NPAS3: variants seen among roughly 807,000 people sequenced by gnomAD.
NPAS3 encodes the protein neuronal PAS domain-containing protein 3.
A neutral mutation model predicts 73.1 loss-of-function variants in NPAS3; 14 were observed. The ratio of observed to expected loss-of-function variants is 0.19; its 90% CI spans 0.13 to 0.30. NPAS3 has a LOEUF of 0.30. Ranked by LOEUF, NPAS3 falls within the 10% of genes least tolerant of loss-of-function variation. The pLI, the probability that NPAS3 is intolerant of heterozygous loss-of-function variation, is 1.00. For missense variants in NPAS3, 1,096 were observed against 1,250.0 expected (o/e 0.88, Z 1.86); for synonymous variants, 620 against 541.5 (o/e 1.14, Z -2.01).
chr14:33,326,502 T>C (rs1184649800), intron 3 of NPAS3, among the ~76,000 whole-genome samples: 3 of 152,212 alleles, frequency 2.0e-5, no homozygotes. Context: ...CCAATAAAGC[T>C]TGTTTTCGTT....
chr14:33,278,550 T>C (rs2041444996), intron 3 of NPAS3, among the ~76,000 whole-genome samples: 1 of 150,214 alleles, frequency 6.7e-6, no homozygotes, highest in Admixed American at 6.6e-5. Flanking sequence ...AAAAAAAGAA[T>C]GATATGAAAG....
chr14:33,446,141 C>T (rs111474177), intron 4 of NPAS3, among the ~76,000 whole-genome samples: 46 of 147,436 alleles, frequency 3.1e-4, no homozygotes, highest in African/African-American at 1.1e-3. Flanking sequence ...TTTTTTCCAT[C>T]TTCTCTAGGG....
chr14:33,055,073 T>C (rs549610323), intron 1 of NPAS3, among the ~76,000 whole-genome samples: 13 of 152,316 alleles, frequency 8.5e-5, no homozygotes, highest in African/African-American at 2.9e-4. Context: ...TGTGTATTGA[T>C]TAAATGACAT....
intron 5 of NPAS3, among the ~76,000 whole-genome samples, chr14:33,569,648 C>T (rs2056118465): frequency 1.3e-5 from 2 of 152,128 alleles, no homozygotes; most frequent in South Asian, 2.1e-4. Context: ...TCACTAGGAA[C>T]GCGCTAAGGC....
chr14:33,769,146 C>T (rs990619811), intron 7 of NPAS3, among the ~76,000 whole-genome samples: 2 of 152,166 alleles, frequency 1.3e-5, no homozygotes, highest in Non-Finnish European at 2.9e-5. Flanking sequence ...GGTAAAAATG[C>T]CTTTGGCACT....
chr14:33,314,266 T>C (rs2043120536), intron 3 of NPAS3, among the ~76,000 whole-genome samples: 1 of 152,126 alleles, frequency 6.6e-6, no homozygotes, highest in South Asian at 2.1e-4. Context: ...TCTTCCAGAA[T>C]TTGTTAATTA....
intron 3 of NPAS3, among the ~76,000 whole-genome samples, chr14:33,364,094 C>A (rs1053786322): frequency 1.3e-5 from 2 of 152,120 alleles, no homozygotes; most frequent in Non-Finnish European, 2.9e-5. Context: ...TACAGTGTGT[C>A]TGGGCTACCA....
At chr14:33,107,626 A>G (rs1227565723) in intron 2 of NPAS3, among the ~76,000 whole-genome samples, 2 of 152,144 alleles carry the variant, frequency 1.3e-5, no homozygotes, top group African/African-American at 4.8e-5. Flanking sequence ...CATGGTGTGT[A>G]TGTACCACAT....
At chr14:33,335,597 G>T (rs1390433774) in intron 3 of NPAS3, among the ~76,000 whole-genome samples, 1 of 152,212 alleles carries the variant, frequency 6.6e-6, no homozygotes, top group Non-Finnish European at 1.5e-5. Context: ...CCCCTGGTCA[G>T]GGTTGGAAGT....
chr14:33,320,446 AT>A (rs1233665675), intron 3 of NPAS3, among the ~76,000 whole-genome samples: 1 of 152,154 alleles, frequency 6.6e-6, no homozygotes, highest in African/African-American at 2.4e-5. Flanking sequence ...AATAAAAAAA[AT>A]TTTTAAAAAA....
intron 5 of NPAS3, among the ~76,000 whole-genome samples, chr14:33,649,395 G>A (rs2058925356): frequency 6.6e-6 from 1 of 152,184 alleles, no homozygotes; most frequent in South Asian, 2.1e-4. Flanking sequence ...GGTTGCACAG[G>A]GCTGAAAGCC....
intron 4 of NPAS3, among the ~76,000 whole-genome samples, chr14:33,474,343 G>A (rs1308482863): frequency 6.6e-6 from 1 of 152,034 alleles, no homozygotes; most frequent in Non-Finnish European, 1.5e-5. Flanking sequence ...AATATATCTG[G>A]ATTATATTGA....
chr14:33,159,062 C>T lies in NPAS3; in HGVS notation c.141-56120C>T, dbSNP rs1156228510. On this transcript the variant is annotated intron_variant, in intron 2 of 11. Coordinates refer to ENST00000356141, the Ensembl canonical transcript of NPAS3. The stretch of plus-strand genomic sequence containing the variant: ...CCTGTAATCCCAACTACTCAGAGAC[C>T]GAGGCAGGGGAATTGCTTGGATCTG... Among the ~76,000 whole-genome samples the T allele has an allele frequency of 3.3e-5, 5 of 152,016 alleles. No individual in the cohort carries two copies. The East Asian group carries it at 5.8e-4, about 18-fold the overall frequency.
intron 3 of NPAS3, among the ~76,000 whole-genome samples, chr14:33,226,715 C>T (rs902323374): frequency 1.3e-4 from 20 of 152,112 alleles, no homozygotes; most frequent in African/African-American, 4.8e-4. Flanking sequence ...TGAATGCTAC[C>T]GTACTAAGTG....
At chr14:33,615,261 G>A (rs996822936) in intron 5 of NPAS3, among the ~76,000 whole-genome samples, 4 of 152,154 alleles carry the variant, frequency 2.6e-5, no homozygotes, top group African/African-American at 9.7e-5. Context: ...GGAAGTCACT[G>A]CATGTTTTTA....
At chr14:33,170,383 C>T (rs1266639697) in intron 2 of NPAS3, among the ~76,000 whole-genome samples, 1 of 152,188 alleles carries the variant, frequency 6.6e-6, no homozygotes, top group Non-Finnish European at 1.5e-5. Flanking sequence ...GGTAGAGGGT[C>T]TTGCCTTCAT....
intron 6 of NPAS3, among the ~76,000 whole-genome samples, chr14:33,696,880 C>T (rs976099949): frequency 3.9e-5 from 6 of 152,154 alleles, no homozygotes; most frequent in Admixed American, 1.3e-4. Flanking sequence ...GCTGAACATG[C>T]GCTGCAAAAG....
At chr14:33,254,857 T>C (rs897282118) in intron 3 of NPAS3, among the ~76,000 whole-genome samples, 7 of 152,084 alleles carry the variant, frequency 4.6e-5, no homozygotes, top group African/African-American at 7.2e-5. Context: ...TGAGGAAAAC[T>C]CTTAATCTTG....
At chr14:33,414,238 C>T (rs113468109) in intron 4 of NPAS3, among the ~76,000 whole-genome samples, 23 of 152,100 alleles carry the variant, frequency 1.5e-4, no homozygotes, top group Admixed American at 2.6e-4. Flanking sequence ...AGCAAACATT[C>T]GCTTTCCCTC....
Sources: allele counts gnomAD v4.1 joint callset (sites outside exome capture counted in the v4.1 genomes callset), GRCh38; gene constraint gnomAD v4.1.1; transcripts MANE v1.5; gene names NCBI Gene and HGNC (gene_info 2026-07-23, HGNC 2026-07-21).